LMO7: variants seen among roughly 807,000 people sequenced by gnomAD.
The protein encoded by LMO7 is LIM domain only protein 7.
Under a neutral mutation model 206.5 loss-of-function variants are expected in LMO7, and 120 were observed. The observed-to-expected ratio is 0.58, with a 90% CI of 0.50 to 0.68. LMO7 has a LOEUF of 0.68. Ranked by LOEUF, LMO7 falls within the 30% of genes least tolerant of loss-of-function variation. The pLI, the probability that LMO7 is intolerant of heterozygous loss-of-function variation, is 0.00. For synonymous variants in LMO7, 706 were observed against 681.5 expected (o/e 1.04, Z -0.56); for missense variants, 1,959 against 1,957.9 (o/e 1.00, Z -0.01).
intron 2 of LMO7, among the ~76,000 whole-genome samples, chr13:75,724,065 C>T (rs1000965671): frequency 5.3e-5 from 8 of 152,110 alleles, no homozygotes; most frequent in African/African-American, 1.9e-4. Flanking sequence ...GACCTAATCA[C>T]CTTCCAGGGG....
intron 4 of LMO7, among the ~76,000 whole-genome samples, chr13:75,765,597 A>T (rs1267921504): frequency 6.6e-6 from 1 of 152,102 alleles, no homozygotes; most frequent in Admixed American, 6.6e-5. Flanking sequence ...TGGAACATTA[A>T]TTCTGGGTGG....
intron 3 of LMO7, among the ~76,000 whole-genome samples, chr13:75,729,291 C>T (rs1420033502): frequency 6.7e-6 from 1 of 148,278 alleles, no homozygotes; most frequent in Non-Finnish European, 1.5e-5. Context: ...TTTGTATCCT[C>T]TTTTATTTCA....
At chr13:75,820,916 G>A (rs2057507453) in intron 13 of LMO7, among the ~76,000 whole-genome samples, 1 of 151,730 alleles carries the variant, frequency 6.6e-6, no homozygotes, top group Non-Finnish European at 1.5e-5. Context: ...AGAATTGCTT[G>A]AATGCGGGAG....
intron 15 of LMO7, among the ~76,000 whole-genome samples, chr13:75,827,514 C>T (rs1480274656): frequency 6.6e-6 from 1 of 152,136 alleles, no homozygotes; most frequent in African/African-American, 2.4e-5. Flanking sequence ...GGGGTTTTGT[C>T]TCTTGCTATT....
rs1208537733 is a variant in LMO7, at chr13:75,855,292, G to A, written c.4694G>A (p.Cys1565Tyr). 1 of 1,613,724 alleles carries A rather than the reference G, an allele frequency of 6.2e-7. No individual in the cohort carries two copies. Among genetic ancestry groups the A allele is most frequent in the Admixed American group, 1.7e-5 (1 of 60,022 alleles). The change falls in exon 29 of 31, where the codon TGC becomes TAC. Residue 1565 changes from cysteine (C) to tyrosine (Y), a missense_variant. Transcript: ENST00000377534. ...SVSGKRICSY[C>Y]NNILGKGAAM... ...AGTGGGAAGCGCATATGCTCCTACT[G>A]CAATAACATTCTGGGCAAAGGAGCC... is the stretch of plus-strand genomic sequence containing the variant.
At position 75,760,921 on chromosome 13, in the gene LMO7, T is replaced by G. The variant is rs761664187; in HGVS notation, c.211-11T>G. The stretch of plus-strand genomic sequence containing the variant: ...CTCAGCTAAGCAATCACTTTCCACT[T>G]CTTTTCACAGGATAATATAAACGTT... On this transcript the variant is annotated splice_polypyrimidine_tract_variant and intron_variant, in intron 3 of 30. Coordinates refer to ENST00000377534, the MANE Select transcript of LMO7 (RefSeq NM_001306080.2). 5 of 1,612,824 alleles carry G rather than the reference T, an allele frequency of 3.1e-6. No individual in the cohort carries two copies. Among genetic ancestry groups the G allele is most frequent in the Non-Finnish European group, 4.2e-6 (5 of 1,179,526 alleles).
intron 2 of LMO7, among the ~76,000 whole-genome samples, chr13:75,722,520 C>T (rs2044108456): frequency 6.6e-6 from 1 of 151,898 alleles, no homozygotes; most frequent in South Asian, 2.1e-4. Context: ...GCAAGAGTGA[C>T]CATAATCAAA....
At chr13:75,731,991 T>G (rs2045288488) in intron 3 of LMO7, among the ~76,000 whole-genome samples, 1 of 152,230 alleles carries the variant, frequency 6.6e-6, no homozygotes, top group African/African-American at 2.4e-5. Flanking sequence ...TGCTGACAGA[T>G]CCGCTGTTAG....
intron 8 of LMO7, 122 bp from the exon 9 acceptor site, chr13:75,805,357 G>C (rs2055305626): frequency 1.8e-6 from 2 of 1,111,086 alleles, no homozygotes; most frequent in South Asian, 3.3e-5. Flanking sequence ...GTGGTGATGA[G>C]AATGGAAACT....
chr13:75,746,604 A>G (rs971749828), intron 3 of LMO7, among the ~76,000 whole-genome samples: 6 of 152,228 alleles, frequency 3.9e-5, no homozygotes, highest in South Asian at 2.1e-4. Context: ...GGATCTGCCA[A>G]CAATGGGCCT....
chr13:75,835,528 A>C (rs1030876614), intron 18 of LMO7, among the ~76,000 whole-genome samples, 189 bp downstream of exon 18: 3 of 152,212 alleles, frequency 2.0e-5, no homozygotes, highest in African/African-American at 7.2e-5. Flanking sequence ...GGCATTCCTC[A>C]TAGAGTAGTT....
At chr13:75,620,851 T>A (rs1484778422) in exon 1 of LMO7, 2 of 152,202 alleles carry the variant, frequency 1.3e-5, no homozygotes, top group African/African-American at 2.4e-5. Context: ...AATATAGAAT[T>A]TCTGTGTTCT....
intron 8 of LMO7, 176 bp from the exon 9 acceptor site, chr13:75,805,303 T>G: frequency 1.1e-6 from 1 of 937,386 alleles, no homozygotes; most frequent in South Asian, 2.1e-5. Context: ...TATCCTTGAG[T>G]TAAAATGAGA....
intron 1 of LMO7, among the ~76,000 whole-genome samples, chr13:75,651,940 G>A (rs183397603): frequency 2.2e-4 from 34 of 152,222 alleles, no homozygotes; most frequent in African/African-American, 7.7e-4. Flanking sequence ...ATCTGTAAGG[G>A]AGTCTAAAAA....
intron 3 of LMO7, among the ~76,000 whole-genome samples, chr13:75,747,028 A>G (rs2046897961): frequency 6.6e-6 from 1 of 152,194 alleles, no homozygotes. Flanking sequence ...CGGTTTGTAC[A>G]TGTTGAAGCA....
At chr13:75,712,424 A>G (rs1570554) in intron 1 of LMO7, among the ~76,000 whole-genome samples, 10,274 of 151,832 alleles carry the variant, frequency 0.068, 721 homozygotes, top group African/African-American at 0.17. Context: ...CTCTGCTACT[A>G]TTTCCCCTGT....
chr13:75,776,990 C>A (rs2050596910), intron 4 of LMO7, among the ~76,000 whole-genome samples: 1 of 152,160 alleles, frequency 6.6e-6, no homozygotes, highest in Non-Finnish European at 1.5e-5. Context: ...AGTCCTTTTG[C>A]ATGTGAGAAA....
At chr13:75,700,263 G>T (rs1273784178) in intron 1 of LMO7, among the ~76,000 whole-genome samples, 1 of 152,210 alleles carries the variant, frequency 6.6e-6, no homozygotes, top group African/African-American at 2.4e-5. Context: ...GGGATTAAGA[G>T]ATTAAAGTAA....
intron 3 of LMO7, among the ~76,000 whole-genome samples, chr13:75,748,659 A>C (rs1047828545): frequency 5.9e-5 from 9 of 152,170 alleles, no homozygotes; most frequent in African/African-American, 2.2e-4. Flanking sequence ...GTGAGGTTGG[A>C]GTATGAGGCA....
Sources: allele counts gnomAD v4.1 joint callset (sites outside exome capture counted in the v4.1 genomes callset), GRCh38; gene constraint gnomAD v4.1.1; transcripts MANE v1.5; gene names NCBI Gene and HGNC (gene_info 2026-07-23, HGNC 2026-07-21).